Variants in APOBEC3B observed in about 807,000 individuals in gnomAD.
APOBEC3B encodes the protein apolipoprotein B mRNA editing enzyme catalytic subunit 3B.
A neutral mutation model predicts 53.4 loss-of-function variants in APOBEC3B; 29 were observed. The ratio of observed to expected loss-of-function variants is 0.54; its 90% CI spans 0.40 to 0.74. The LOEUF (loss-of-function observed/expected upper bound fraction) is 0.74. Ranked by LOEUF, APOBEC3B falls within the 30% of genes least tolerant of loss-of-function variation. The pLI, the probability that APOBEC3B is intolerant of heterozygous loss-of-function variation, is 0.00. For synonymous variants in APOBEC3B, 132 were observed against 184.8 expected, an observed-to-expected ratio of 0.71 and a Z score of 2.32; for missense variants, 347 against 496.2, an observed-to-expected ratio of 0.70 and a Z score of 2.86.
At chr22:38,988,479 A>G (rs1923825079) in intron 4 of APOBEC3B, among the ~76,000 whole-genome samples, 1 of 148,366 alleles carries the variant, frequency 6.7e-6, no homozygotes, top group Non-Finnish European at 1.5e-5. Flanking sequence ...CGTTCTCCCT[A>G]ATATTTAGAA....
chr22:38,988,981 C>T (rs563726795), intron 4 of APOBEC3B, among the ~76,000 whole-genome samples: 1 of 147,204 alleles, frequency 6.8e-6, no homozygotes, highest in African/African-American at 2.5e-5. Context: ...AAAGATGTCC[C>T]TGGCAGGCTC....
intron 4 of APOBEC3B, among the ~76,000 whole-genome samples, chr22:38,988,656 CCTTG>C (rs1923834636): frequency 1.3e-5 from 1 of 76,364 alleles, no homozygotes; most frequent in Non-Finnish European, 2.5e-5. Flanking sequence ...TTCCTTCCTT[CCTTG>C]CTTCCTCTCT....
intron 4 of APOBEC3B, among the ~76,000 whole-genome samples, chr22:38,988,715 T>C (rs56005443): frequency 0.029 from 3,283 of 111,794 alleles, 244 homozygotes; most frequent in African/African-American, 0.068. Flanking sequence ...CTTTCTTTCT[T>C]TCTTTCTTTC....
rs114697908 is a variant in APOBEC3B at position 38,988,080 on chromosome 22, T to G, written c.570-1377T>G. On this transcript the variant is annotated intron_variant, in intron 4 of 7. Coordinates refer to ENST00000333467, the MANE Select transcript of APOBEC3B (RefSeq NM_004900.5). Reference sequence around the variant, plus strand: ...CCAGGACTCAGGACTGAAGCACAAGTGTTTCCAGTCCCCACACACTAAAAA... The same window carrying G: ...CCAGGACTCAGGACTGAAGCACAAGGGTTTCCAGTCCCCACACACTAAAAA... 1.3e-3 allele frequency among the ~76,000 whole-genome samples: 199 copies of G among 148,630 alleles called. 10 individuals are homozygous for G. The highest frequency in any genetic ancestry group is 4.7e-3 in the African/African-American group (192 of 40,950).
At position 38,988,822 on chromosome 22, in the gene APOBEC3B, G is replaced by A. The variant is rs147786374; in HGVS notation, c.570-635G>A. Among the ~76,000 whole-genome samples, 1,070 of 144,658 alleles carry A rather than the reference G, an allele frequency of 7.4e-3. 56 individuals carry two copies. Among genetic ancestry groups the A allele is most frequent in the African/African-American group, 0.026 (1,018 of 39,664 alleles). 94.9% of individuals were successfully genotyped at this position (144,658 alleles called of 152,430 possible). A position where few individuals can be genotyped will look rare whatever the true frequency, so the allele number is the denominator to read the frequency against. ...ATTTTTCTAATTCTGGTTTTGTCAG[G>A]ATGTCTACAGAGGGGCCGGGAGAGG... On this transcript the variant is annotated intron_variant, in intron 4 of 7. Transcript: ENST00000333467.
chr22:38,989,840 C>T (rs920590192), intron 5 of APOBEC3B, among the ~76,000 whole-genome samples: 1 of 148,448 alleles, frequency 6.7e-6, no homozygotes, highest in Non-Finnish European at 1.5e-5. Context: ...GAGGACCCTC[C>T]CAGGATCCCC....
At position 38,982,448 on chromosome 22, in the gene APOBEC3B, C is replaced by A; in HGVS notation, c.-6C>A. The A allele has an allele frequency of 6.3e-7, 1 of 1,593,664 alleles. No homozygotes were observed. The highest frequency in any genetic ancestry group is 8.5e-7 in the Non-Finnish European group (1 of 1,172,542). On this transcript the variant is annotated 5_prime_UTR_variant, in exon 1 of 8. It adds an upstream start codon to the 5' untranslated region. Transcript: ENST00000333467. Reference sequence around the variant, plus strand: ...GACAGGGACAAGCGTATCTAAGAGGCTGAACATGAATCCACAGATCAGGTA... The same window carrying A: ...GACAGGGACAAGCGTATCTAAGAGGATGAACATGAATCCACAGATCAGGTA...
Position 38,984,887 on chromosome 22 carries a change from T to C in APOBEC3B, c.174+656T>C, listed in dbSNP as rs550653307. 5.3e-3 allele frequency among the ~76,000 whole-genome samples: 723 copies of C among 136,326 alleles called. 43 individuals carry two copies. The highest frequency in any genetic ancestry group is 0.019 in the African/African-American group (697 of 37,652). The allele number at this position is 136,326 out of a possible 152,430, so 89.4% of individuals were successfully genotyped here. A position where few individuals can be genotyped will look rare whatever the true frequency, so the allele number is the denominator to read the frequency against. ...ATTTTTCCCACATTTCTTTTTTCTCTTTTTTTCCTTTTTTTTTTTTTTTTT... is the reference window on the plus strand; with the variant it reads ...ATTTTTCCCACATTTCTTTTTTCTCCTTTTTTCCTTTTTTTTTTTTTTTTT... On this transcript the variant is annotated intron_variant, in intron 2 of 7. Coordinates refer to ENST00000333467, the MANE Select transcript of APOBEC3B (RefSeq NM_004900.5).
rs571529638 is a variant in APOBEC3B, at chr22:38,985,789, C to T, written c.175-23C>T. ...TCCTGCTCCCCCTCTCAGAGCATCCCCTGCCCCCTGCTCCTCTCCCAGGTG... is the reference window on the plus strand; with the variant it reads ...TCCTGCTCCCCCTCTCAGAGCATCCTCTGCCCCCTGCTCCTCTCCCAGGTG... On this transcript the variant is annotated intron_variant, in intron 2 of 7. Transcript: ENST00000333467. The T allele has an allele frequency of 1.3e-5, 21 of 1,577,930 alleles. 2 individuals carry two copies. The Middle Eastern group carries it at 6.8e-4, about 51-fold the overall frequency.
At chr22:38,987,328 C>A (rs1348025328) in intron 4 of APOBEC3B, among the ~76,000 whole-genome samples, 3 of 147,998 alleles carry the variant, frequency 2.0e-5, no homozygotes, top group Admixed American at 6.9e-5. Context: ...CCACTCCCAG[C>A]CAGGCTCTTT....
In APOBEC3B at chr22:38,985,821, A is replaced by G. The variant is rs2076109; in HGVS notation, c.184A>G (p.Lys62Glu). The G allele has an allele frequency of 0.58, 915,265 of 1,587,312 alleles. 296,831 individuals are homozygous for G. The highest frequency in any genetic ancestry group is 0.69 in the South Asian group (61,414 of 88,404). Residue 62 changes from lysine to glutamate, a missense_variant, in exon 3 of 8, where the codon AAG becomes GAG. Physicochemically the swap from Lys to Glu is moderately conservative, Grantham distance 56. Around this residue, in one of 5 missense-constraint regions of APOBEC3B, gnomAD observed 73 missense variants for 90.9 expected, o/e 0.80. Transcript: ENST00000333467. ...CCTGCTCCTCTCCCAGGTGTATTTC[A>G]AGCCTCAGTACCACGCAGAAATGTG... Reference protein sequence around the residue: ...TGVFRGQVYFKPQYHAEMCFL... With the variant: ...TGVFRGQVYFEPQYHAEMCFL...
chr22:38,987,706 C>T lies in APOBEC3B; in HGVS notation c.569+1294C>T, dbSNP rs189501536. Among the ~76,000 whole-genome samples, 342 of 148,698 alleles carry T rather than the reference C, an allele frequency of 2.3e-3. 12 individuals are homozygous for T. Among genetic ancestry groups the T allele is most frequent in the African/African-American group, 8.1e-3 (330 of 40,968 alleles). Reference sequence around the variant, plus strand: ...CGCTGTGAGCAGAGGAGGATGCACACGACCCCAGACACAGGCTCCTCCTCC... The same window carrying T: ...CGCTGTGAGCAGAGGAGGATGCACATGACCCCAGACACAGGCTCCTCCTCC... On this transcript the variant is annotated intron_variant, in intron 4 of 7. Transcript: ENST00000333467.
intron 2 of APOBEC3B, among the ~76,000 whole-genome samples, chr22:38,984,488 C>A (rs1304918547): frequency 1.3e-5 from 2 of 148,860 alleles, no homozygotes; most frequent in African/African-American, 2.4e-5. Context: ...TAACTTGGGG[C>A]CTTCTATAGC....
chr22:38,990,581 C>T (rs1456127675), intron 5 of APOBEC3B, among the ~76,000 whole-genome samples: 7 of 147,938 alleles, frequency 4.7e-5, no homozygotes, highest in Non-Finnish European at 1.0e-4. Flanking sequence ...TCACAGGGAC[C>T]TTCCCACATT....
At chr22:38,989,081 G>A (rs1008790545) in intron 4 of APOBEC3B, among the ~76,000 whole-genome samples, 3 of 148,320 alleles carry the variant, frequency 2.0e-5, no homozygotes, top group African/African-American at 7.4e-5. Flanking sequence ...AGCCCCAGCA[G>A]GTCCATCTCC....
At position 38,984,012 on chromosome 22, in the gene APOBEC3B, A is replaced by C; in HGVS notation, c.18-63A>C. 2.6e-6 allele frequency: 4 copies of C among 1,535,696 alleles called. 1 individual carries two copies. Among genetic ancestry groups the C allele is most frequent in the Non-Finnish European group, 3.5e-6 (4 of 1,144,390 alleles). On this transcript the variant is annotated intron_variant, in intron 1 of 7. Transcript: ENST00000333467. Reference sequence around the variant, plus strand: ...ATCCTGGGAGCTGTGTTCAGTGGACATGAGCCCCGAGGACTCCCGGGAGGG... The same window carrying C: ...ATCCTGGGAGCTGTGTTCAGTGGACCTGAGCCCCGAGGACTCCCGGGAGGG...
rs369266072 is a variant in APOBEC3B at position 38,992,003 on chromosome 22, A to T, written c.1019-31A>T. 1.1e-5 allele frequency: 17 copies of T among 1,543,154 alleles called. 1 individual carries two copies. Among genetic ancestry groups the T allele is most frequent in the Non-Finnish European group, 1.4e-5 (16 of 1,146,556 alleles). The stretch of plus-strand genomic sequence containing the variant: ...GGTGCTGCCCCCTCCCCACAACAGG[A>T]GCGTGACTTATCTCCCCTGTCCCTT... On this transcript the variant is annotated intron_variant, in intron 6 of 7. Coordinates refer to ENST00000333467, the MANE Select transcript of APOBEC3B (RefSeq NM_004900.5).
intron 4 of APOBEC3B, among the ~76,000 whole-genome samples, chr22:38,986,680 C>A (rs983049564): frequency 6.7e-6 from 1 of 148,902 alleles, no homozygotes. Flanking sequence ...TGGCCTGGGA[C>A]ACCAGCCGCT....
chr22:38,984,872 C>A (rs1364873380), intron 2 of APOBEC3B, among the ~76,000 whole-genome samples: 1 of 141,788 alleles, frequency 7.1e-6, no homozygotes, highest in Non-Finnish European at 1.5e-5. Context: ...ATTTTTCCCA[C>A]ATTTCTTTTT....
Sources: allele counts gnomAD v4.1 joint callset (sites outside exome capture counted in the v4.1 genomes callset), GRCh38; gene constraint gnomAD v4.1.1; regional missense constraint gnomAD v4.1.1; transcripts MANE v1.5; gene names NCBI Gene and HGNC (gene_info 2026-07-23, HGNC 2026-07-21).